GALNTL6: variants seen among roughly 807,000 people sequenced by gnomAD.
The protein encoded by GALNTL6 is polypeptide N-acetylgalactosaminyltransferase-like 6.
In GALNTL6, 46 loss-of-function variants were observed where a neutral mutation model predicts 73.7. The ratio of observed to expected loss-of-function variants is 0.62; its 90% CI spans 0.49 to 0.80. The LOEUF (loss-of-function observed/expected upper bound fraction) is 0.80. Among genes scored for constraint, GALNTL6 ranks in the 30% least tolerant of loss-of-function variants. The probability of loss-of-function intolerance (pLI) is 0.00; values close to 1 mark genes in which losing one functional copy is unlikely to be tolerated. For missense variants in GALNTL6, 604 were observed against 755.0 expected (o/e 0.80, Z 2.34); for synonymous variants, 259 against 263.7 (o/e 0.98, Z 0.17).
At chr4:171,914,024 T>G (rs1737545493) in intron 2 of GALNTL6, among the ~76,000 whole-genome samples, 1 of 152,078 alleles carries the variant, frequency 6.6e-6, no homozygotes, top group African/African-American at 2.4e-5. Flanking sequence ...TACTCAATTC[T>G]GGATTATTTC....
In GALNTL6 at chr4:173,021,021, C is replaced by T. The variant is rs544779870; in HGVS notation, c.1489-455C>T. ...CTGGGAGGTGGAGGATGCAGTGAGC[C>T]GAGATCGCACCACTGCACTCCAGCC... On this transcript the variant is annotated intron_variant, in intron 11 of 12. Transcript: ENST00000506823. Among the ~76,000 whole-genome samples, 71 of 152,258 alleles carry T rather than the reference C, an allele frequency of 4.7e-4. 1 individual carries two copies. The highest frequency in any genetic ancestry group is 8.1e-4 in the Non-Finnish European group (55 of 68,014).
intron 2 of GALNTL6, among the ~76,000 whole-genome samples, chr4:171,960,161 T>C (rs1366460188): frequency 6.6e-6 from 1 of 152,200 alleles, no homozygotes; most frequent in East Asian, 1.9e-4. Flanking sequence ...GTTTATTGAA[T>C]TTGGCTACTC....
chr4:172,207,878 G>A (rs185100901), intron 2 of GALNTL6, among the ~76,000 whole-genome samples: 8 of 152,244 alleles, frequency 5.3e-5, no homozygotes, highest in African/African-American at 1.4e-4. Context: ...AAACTACAGC[G>A]TATTTTATTA....
At chr4:172,543,850 ATGCTTGCACAAT>A (rs1287408023) in intron 5 of GALNTL6, among the ~76,000 whole-genome samples, 2 of 152,222 alleles carry the variant, frequency 1.3e-5, no homozygotes, top group African/African-American at 4.8e-5. Flanking sequence ...AGATAATGCA[ATGCTTGCACAAT>A]ACTATTACTT....
chr4:172,829,035 G>T (rs1456684488), intron 7 of GALNTL6, among the ~76,000 whole-genome samples: 1 of 152,220 alleles, frequency 6.6e-6, no homozygotes, highest in African/African-American at 2.4e-5. Context: ...CAAGCTGCAT[G>T]CATTCCTTGG....
intron 5 of GALNTL6, among the ~76,000 whole-genome samples, chr4:172,467,511 G>A (rs138299335): frequency 4.6e-5 from 7 of 152,218 alleles, no homozygotes; most frequent in African/African-American, 7.2e-5. Context: ...CAGCAGGCTC[G>A]GTTTGTCACA....
intron 5 of GALNTL6, among the ~76,000 whole-genome samples, chr4:172,641,397 G>A (rs572933899): frequency 2.2e-4 from 34 of 152,066 alleles, no homozygotes; most frequent in African/African-American, 6.3e-4. Flanking sequence ...TCCCCTTAAC[G>A]CTCTGACCTA....
intron 2 of GALNTL6, among the ~76,000 whole-genome samples, chr4:171,945,960 T>A (rs1415343665): frequency 6.6e-6 from 1 of 152,138 alleles, no homozygotes; most frequent in East Asian, 1.9e-4. Flanking sequence ...GAAAACATAT[T>A]AATAAATGTT....
At chr4:172,402,491 G>A (rs1744078009) in intron 5 of GALNTL6, among the ~76,000 whole-genome samples, 1 of 152,024 alleles carries the variant, frequency 6.6e-6, no homozygotes, top group Admixed American at 6.6e-5. Flanking sequence ...GCCATTACTG[G>A]AACGGTGAAG....
At chr4:172,025,139 G>A (rs1741524857) in intron 2 of GALNTL6, among the ~76,000 whole-genome samples, 1 of 151,946 alleles carries the variant, frequency 6.6e-6, no homozygotes, top group Non-Finnish European at 1.5e-5. Context: ...GATAATGTCT[G>A]TAAAGGAAAT....
chr4:172,320,947 C>T (rs745377043), intron 4 of GALNTL6, among the ~76,000 whole-genome samples: 5 of 152,146 alleles, frequency 3.3e-5, no homozygotes, highest in Non-Finnish European at 7.3e-5. Flanking sequence ...TGTGATTTCA[C>T]TTTTGGAGGC....
intron 5 of GALNTL6, among the ~76,000 whole-genome samples, chr4:172,540,239 C>T (rs915455910): frequency 4.0e-5 from 6 of 151,564 alleles, no homozygotes; most frequent in East Asian, 1.9e-4. Flanking sequence ...TTAGTAGACA[C>T]GGGGTTTCAC....
chr4:173,041,518 TG>T lies in GALNTL6; in HGVS notation c.*1419del, dbSNP rs1206871696. 2 of 152,208 alleles carry T rather than the reference TG, an allele frequency of 1.3e-5. No homozygotes were observed. The highest frequency in any genetic ancestry group is 4.8e-5 in the African/African-American group (2 of 41,450). The allele number at this position is 152,208 out of a possible 1,614,324, so 9.4% of individuals were successfully genotyped here. A position where few individuals can be genotyped will look rare whatever the true frequency, so the allele number is the denominator to read the frequency against. ...TTAACTTTGCTTTCTTTTTGGTTTTTGTTTGAAGTTGGTTTTCCTGTTAATA... is the reference window on the plus strand; with the variant it reads ...TTAACTTTGCTTTCTTTTTGGTTTTTTTTGAAGTTGGTTTTCCTGTTAATA... On this transcript the variant is annotated 3_prime_UTR_variant, in exon 13 of 13. Coordinates refer to ENST00000506823, the MANE Select transcript of GALNTL6 (RefSeq NM_001034845.3).
Position 172,113,801 on chromosome 4 carries a change from CA to C in GALNTL6, c.139-115854del, listed in dbSNP as rs536353208. ...TCCTCTATTTTCTGAAGTGTTCCAG[CA>C]CGATGCTTTTTGATGATCAGCTGTT... On this transcript the variant is annotated intron_variant, in intron 2 of 12. Transcript: ENST00000506823. Among the ~76,000 whole-genome samples the C allele has an allele frequency of 5.4e-4, 82 of 152,222 alleles. 1 individual carries two copies. In the East Asian group the frequency reaches 0.015, roughly 29 times the overall value.
chr4:171,987,178 G>A (rs1221808166), intron 2 of GALNTL6, among the ~76,000 whole-genome samples: 1 of 152,188 alleles, frequency 6.6e-6, no homozygotes, highest in Admixed American at 6.5e-5. Context: ...AGGGAAAGTG[G>A]TAAAAGTATT....
chr4:172,327,726 C>T (rs1455086009), intron 4 of GALNTL6, among the ~76,000 whole-genome samples: 1 of 151,396 alleles, frequency 6.6e-6, no homozygotes, highest in African/African-American at 2.4e-5. Flanking sequence ...TGTTTTTTTT[C>T]CCCATTTTAT....
At chr4:172,621,780 T>C (rs1201674893) in intron 5 of GALNTL6, among the ~76,000 whole-genome samples, 1 of 152,234 alleles carries the variant, frequency 6.6e-6, no homozygotes, top group East Asian at 1.9e-4. Flanking sequence ...AGCCTTGATA[T>C]GCAATTCCAC....
intron 5 of GALNTL6, among the ~76,000 whole-genome samples, chr4:172,752,046 T>TAAAAAAAAAAAAAA: frequency 7.4e-6 from 1 of 135,020 alleles, no homozygotes; most frequent in Non-Finnish European, 1.6e-5. Context: ...AACTTAAACT[T>TAAAAAAAAAAAAAA]AAAAAAAAAA....
rs776675339 is a variant in GALNTL6 at position 172,069,583 on chromosome 4, T to TAACACATATGTGTTATATATGTTA, written c.139-160073_139-160072insAACACATATGTGTTATATATGTTA. ...ATATATAACACATATATGTTATATA[T>TAACACATATGTGTTATATATGTTA]TATATATATAACACATATATGTTAT... On this transcript the variant is annotated intron_variant, in intron 2 of 12. Coordinates refer to ENST00000506823, the MANE Select transcript of GALNTL6 (RefSeq NM_001034845.3). Among the ~76,000 whole-genome samples the TAACACATATGTGTTATATATGTTA allele has an allele frequency of 1.5e-4, 8 of 52,026 alleles. 2 individuals carry two copies. The East Asian group carries it at 1.8e-3, about 12-fold the overall frequency. 34.1% of individuals were successfully genotyped at this position (52,026 alleles called of 152,430 possible). A position where few individuals can be genotyped will look rare whatever the true frequency, so the allele number is the denominator to read the frequency against.
Sources: allele counts gnomAD v4.1 joint callset (sites outside exome capture counted in the v4.1 genomes callset), GRCh38; gene constraint gnomAD v4.1.1; transcripts MANE v1.5; gene names NCBI Gene and HGNC (gene_info 2026-07-23, HGNC 2026-07-21).